The following GALNT17 variants were observed in gnomAD, a reference collection of about 807,000 sequenced individuals.
GALNT17 encodes the protein UDP-GalNAc:polypeptide N-acetylgalactosaminyltransferase-like 3.
GALNT17 carries 29 observed loss-of-function variants against 63.7 expected under a neutral mutation model. That is an observed-to-expected ratio of 0.46 (90% CI 0.34 to 0.62). The LOEUF is 0.62. Among genes scored for constraint, GALNT17 ranks in the 20% least tolerant of loss-of-function variants. The probability of loss-of-function intolerance (pLI) is 0.01; values close to 1 mark genes in which losing one functional copy is unlikely to be tolerated. For missense variants in GALNT17, 603 were observed against 799.6 expected, an observed-to-expected ratio of 0.75 and a Z score of 2.97; for synonymous variants, 305 against 318.3, an observed-to-expected ratio of 0.96 and a Z score of 0.45.
intron 5 of GALNT17, among the ~76,000 whole-genome samples, chr7:71,503,306 T>C (rs147858835): frequency 0.023 from 3,473 of 152,246 alleles, 45 homozygotes; most frequent in African/African-American, 0.033. Flanking sequence ...AGTGGCGTGA[T>C]CTCAGCTCAC....
chr7:71,570,403 G>A (rs549902098), intron 5 of GALNT17, among the ~76,000 whole-genome samples: 44 of 152,150 alleles, frequency 2.9e-4, no homozygotes, highest in African/African-American at 7.0e-4. Flanking sequence ...CCAGCATAAC[G>A]TGGAAATTGG....
chr7:71,376,425 G>GT lies in GALNT17; in HGVS notation c.423-11782dup, dbSNP rs57171551. Among the ~76,000 whole-genome samples the GT allele has an allele frequency of 3.3e-4, 21 of 63,362 alleles. 3 individuals carry two copies. The highest frequency in any genetic ancestry group is 1.5e-3 in the South Asian group (2 of 1,352). 41.6% of individuals were successfully genotyped at this position (63,362 alleles called of 152,430 possible). On this transcript the variant is annotated intron_variant, in intron 2 of 10. Transcript: ENST00000333538. The stretch of plus-strand genomic sequence containing the variant: ...TTAATAAAACTTAAGGTTTGGAGTT[G>GT]TTTTTTTTTTTTTTTTTTTTTTTTT...
chr7:71,604,810 A>G (rs2116941640), intron 6 of GALNT17, among the ~76,000 whole-genome samples: 1 of 152,312 alleles, frequency 6.6e-6, no homozygotes, highest in East Asian at 1.9e-4. Context: ...TCTACAGGGT[A>G]AATGTACCAA....
intron 1 of GALNT17, among the ~76,000 whole-genome samples, chr7:71,284,958 A>G (rs1168512408): frequency 6.6e-6 from 1 of 151,962 alleles, no homozygotes. Flanking sequence ...GTGGGGTGGC[A>G]TCCAAGGTGT....
In GALNT17 at chr7:71,568,287, A is replaced by G. The variant is rs529543450; in HGVS notation, c.963-2998A>G. Among the ~76,000 whole-genome samples, 3 of 152,308 alleles carry G rather than the reference A, an allele frequency of 2.0e-5. No homozygotes were observed. The East Asian group carries it at 5.8e-4, about 29-fold the overall frequency. On this transcript the variant is annotated intron_variant, in intron 5 of 10. Transcript: ENST00000333538. ...AGGTCACCTAATCTCCGTGTGCCTC[A>G]GTCGTTCAGTGGAGATGGTTCTGCC...
intron 7 of GALNT17, among the ~76,000 whole-genome samples, chr7:71,668,415 C>T: frequency 7.0e-6 from 1 of 142,768 alleles, no homozygotes; most frequent in East Asian, 2.1e-4. Flanking sequence ...ACTCGGGAGG[C>T]TGAAGCAGGA....
rs181731913 is a variant in GALNT17 at position 71,500,973 on chromosome 7, T to C, written c.963-70312T>C. Among the ~76,000 whole-genome samples, 54 of 152,276 alleles carry C rather than the reference T, an allele frequency of 3.5e-4. 6 individuals are homozygous for C. The highest frequency in any genetic ancestry group is 3.1e-3 in the East Asian group (16 of 5,172). On this transcript the variant is annotated intron_variant, in intron 5 of 10. Transcript: ENST00000333538. ...CTTGTTCCACTGTCTTTTTAGTTTA[T>C]TTATTTATTTTTTTGAGACAGATTC...
chr7:71,633,698 G>A (rs1363794859), intron 6 of GALNT17, among the ~76,000 whole-genome samples: 5 of 152,176 alleles, frequency 3.3e-5, no homozygotes, highest in African/African-American at 1.2e-4. Flanking sequence ...GTTTCTGGTT[G>A]CTCATTCCTT....
At chr7:71,325,407 C>T (rs1791687972) in intron 1 of GALNT17, among the ~76,000 whole-genome samples, 1 of 152,148 alleles carries the variant, frequency 6.6e-6, no homozygotes, top group South Asian at 2.1e-4. Flanking sequence ...TGGGCTGGGG[C>T]TGCTGAGATG....
chr7:71,480,162 T>C (rs1016436561), intron 5 of GALNT17, among the ~76,000 whole-genome samples: 25 of 128,244 alleles, frequency 1.9e-4, no homozygotes, highest in African/African-American at 7.2e-4. Context: ...AGTCTTTTTT[T>C]TTTTTTTTTT....
intron 5 of GALNT17, among the ~76,000 whole-genome samples, chr7:71,449,801 G>T (rs770877595): frequency 5.0e-4 from 76 of 152,090 alleles, no homozygotes; most frequent in Non-Finnish European, 5.1e-4. Flanking sequence ...CAGCACTTTG[G>T]GAGGCTGAGG....
Position 71,181,253 on chromosome 7 carries a change from T to TAAA in GALNT17, c.238+48226_238+48228dup, listed in dbSNP as rs34436643. Among the ~76,000 whole-genome samples the TAAA allele has an allele frequency of 1.7e-3, 234 of 135,040 alleles. 3 individuals are homozygous for TAAA. The highest frequency in any genetic ancestry group is 6.2e-3 in the African/African-American group (225 of 36,136). The allele number at this position is 135,040 out of a possible 152,430, so 88.6% of individuals were successfully genotyped here. A position where few individuals can be genotyped will look rare whatever the true frequency, so the allele number is the denominator to read the frequency against. On this transcript the variant is annotated intron_variant, in intron 1 of 10. Transcript: ENST00000333538. ...CTGGGCGACAGAGCAAGACTCGTCT[T>TAAA]AAAAAAAAAAAAAAAGTAATGGCTT...
At chr7:71,418,033 C>G (rs1786574445) in intron 4 of GALNT17, among the ~76,000 whole-genome samples, 1 of 152,182 alleles carries the variant, frequency 6.6e-6, no homozygotes, top group Non-Finnish European at 1.5e-5. Context: ...CCTACCATAT[C>G]CCTGGTGCTG....
At chr7:71,496,267 G>A (rs1271766735) in intron 5 of GALNT17, among the ~76,000 whole-genome samples, 1 of 152,104 alleles carries the variant, frequency 6.6e-6, no homozygotes, top group Non-Finnish European at 1.5e-5. Context: ...GTGGCAGAAG[G>A]GGCCAGCAGC....
chr7:71,486,805 G>C (rs1370597878), intron 5 of GALNT17, among the ~76,000 whole-genome samples: 1 of 151,602 alleles, frequency 6.6e-6, no homozygotes, highest in Non-Finnish European at 1.5e-5. Flanking sequence ...CGAGGCTGCA[G>C]TGAGCTGTAA....
intron 1 of GALNT17, among the ~76,000 whole-genome samples, chr7:71,220,315 C>T (rs1011329586): frequency 1.3e-5 from 2 of 152,186 alleles, no homozygotes; most frequent in African/African-American, 4.8e-5. Flanking sequence ...TTCAAAAGGC[C>T]AGTTGGGAGG....
Position 71,701,856 on chromosome 7 carries a change from CACATATATATATACATAT to C in GALNT17, c.1501-8903_1501-8886del, listed in dbSNP as rs1791647893. Among the ~76,000 whole-genome samples the C allele has an allele frequency of 1.4e-4, 2 of 13,862 alleles. 1 individual carries two copies. The highest frequency in any genetic ancestry group is 2.2e-3 in the South Asian group (2 of 908). 9.1% of individuals were successfully genotyped at this position (13,862 alleles called of 152,430 possible). On this transcript the variant is annotated intron_variant, in intron 9 of 10. Transcript: ENST00000333538. ...ATATATATATGTGTATATATATATACACATATATATATACATATATATATGTATATATATATATACACA... is the reference window on the plus strand; with the variant it reads ...ATATATATATGTGTATATATATATACATATATGTATATATATATATACACA...
chr7:71,499,044 G>A (rs1339276215), intron 5 of GALNT17, among the ~76,000 whole-genome samples: 1 of 152,194 alleles, frequency 6.6e-6, no homozygotes, highest in Non-Finnish European at 1.5e-5. Flanking sequence ...AATCTCCATA[G>A]CAACTCTTTC....
chr7:71,383,835 A>G (rs12699037), intron 2 of GALNT17, among the ~76,000 whole-genome samples: 71,939 of 152,030 alleles, frequency 0.47, 18,518 homozygotes, highest in Non-Finnish European at 0.59. Context: ...TCCACATACT[A>G]CATTTTCTTG....
Sources: allele counts gnomAD v4.1 joint callset (sites outside exome capture counted in the v4.1 genomes callset), GRCh38; gene constraint gnomAD v4.1.1; transcripts MANE v1.5; gene names NCBI Gene and HGNC (gene_info 2026-07-23, HGNC 2026-07-21).